NR2F1: variants seen among roughly 807,000 people sequenced by gnomAD.
The protein encoded by NR2F1 is COUP transcription factor 1.
NR2F1 carries 1 observed loss-of-function variant against 37.7 expected under a neutral mutation model. The observed-to-expected ratio is 0.03, with a 90% confidence interval of 0.01 to 0.13. NR2F1 has a LOEUF of 0.13. NR2F1 is among the 10% of genes least tolerant of loss of function. NR2F1 has a pLI of 1.00. For synonymous variants in NR2F1, 275 were observed against 259.6 expected (o/e 1.06, Z -0.57); for missense variants, 268 against 578.4 (o/e 0.46, Z 5.50).
At chr5:93,587,806 G>C (rs927238836) in intron 1 of NR2F1, 111 bp from the exon 2 acceptor site, 1 of 1,146,734 alleles carries the variant, frequency 8.7e-7, no homozygotes. Context: ...TGCGCGGGGC[G>C]CGTGTGGCTG....
chr5:93,584,994 C>A lies in NR2F1; in HGVS notation c.-30C>A. ...CCGCGGCCCTCGGCGAGCAGCTCGG[C>A]TCCCCCCAGCGCTCCCCGGGCCCAA... On this transcript the variant is annotated 5_prime_UTR_variant, in exon 1 of 3. Coordinates refer to ENST00000327111, the MANE Select transcript of NR2F1 (RefSeq NM_005654.6). 1 of 984,516 alleles carries A rather than the reference C, an allele frequency of 1.0e-6. No individual in the cohort carries two copies. The highest frequency in any genetic ancestry group is 1.2e-6 in the Non-Finnish European group (1 of 828,190). The allele number at this position is 984,516 out of a possible 1,614,324, so 61.0% of individuals were successfully genotyped here.
intron 2 of NR2F1, among the ~76,000 whole-genome samples, chr5:93,588,711 G>T (rs1205996609): frequency 6.6e-6 from 1 of 151,390 alleles, no homozygotes; most frequent in Non-Finnish European, 1.5e-5. Flanking sequence ...GGACCCCTAC[G>T]TGGGGCCGCG....
In NR2F1 at chr5:93,594,439, T is replaced by C. The variant is rs1295555360; in HGVS notation, c.*597T>C. On this transcript the variant is annotated 3_prime_UTR_variant, in exon 3 of 3. Coordinates refer to ENST00000327111, the MANE Select transcript of NR2F1 (RefSeq NM_005654.6). ...ATTGTCCTGTGTCTATGTATCTATA[T>C]CTGTTTTGTATTTTTTTCTGGTTCC... 1 of 152,278 alleles carries C rather than the reference T, an allele frequency of 6.6e-6. No individual in the cohort carries two copies. The highest frequency in any genetic ancestry group is 1.5e-5 in the Non-Finnish European group (1 of 68,078). 9.4% of individuals were successfully genotyped at this position (152,278 alleles called of 1,614,324 possible).
chr5:93,588,233 C>T lies in NR2F1; in HGVS notation c.780C>T (p.Phe260=), dbSNP rs1753265670. 2 of 1,613,958 alleles carry T rather than the reference C, an allele frequency of 1.2e-6. No homozygotes were observed. The highest frequency in any genetic ancestry group is 1.7e-6 in the Non-Finnish European group (2 of 1,179,992). ...TACGCCTCACCTGGAGCGAGCTGTT[C>T]GTGCTCAACGCGGCCCAGTGCTCTA... The part of the protein sequence containing the change: ...SLLRLTWSEL[F]VLNAAQCSMP... Residue 260 remains phenylalanine, a synonymous_variant, in exon 2 of 3, where the codon TTC becomes TTT. Coordinates refer to ENST00000327111, the MANE Select transcript of NR2F1 (RefSeq NM_005654.6).
At position 93,585,369 on chromosome 5, in the gene NR2F1, A is replaced by C; in HGVS notation, c.346A>C (p.Arg116=). ...AAGTTTCTTCAAGAGGAGCGTCCGC[A>C]GGAACTTAACTTACACATGCCGTGC... The part of the protein sequence containing the change: ...CKSFFKRSVR[R]NLTYTCRANR... The change falls in exon 1 of 3, where the codon AGG becomes CGG. Residue 116 remains arginine, a synonymous_variant. Coordinates refer to ENST00000327111, the MANE Select transcript of NR2F1 (RefSeq NM_005654.6). The C allele has an allele frequency of 6.2e-7, 1 of 1,614,086 alleles. No homozygotes were observed. The highest frequency in any genetic ancestry group is 8.5e-7 in the Non-Finnish European group (1 of 1,179,978).
chr5:93,584,343 C>G lies in NR2F1; in HGVS notation c.-681C>G, dbSNP rs1753185610. On this transcript the variant is annotated 5_prime_UTR_variant, in exon 1 of 3. Transcript: ENST00000327111. ...CCTCCGCCGCCGCCGCCGCCTCCGCCCTCGCCGGCTTCCTCTATGTCGGCT... is the reference window on the plus strand; with the variant it reads ...CCTCCGCCGCCGCCGCCGCCTCCGCGCTCGCCGGCTTCCTCTATGTCGGCT... 6.7e-6 allele frequency: 1 copy of G among 150,166 alleles called. No individual in the cohort carries two copies. The highest frequency in any genetic ancestry group is 1.5e-5 in the Non-Finnish European group (1 of 67,256). The allele number at this position is 150,166 out of a possible 1,614,324, so 9.3% of individuals were successfully genotyped here. A position where few individuals can be genotyped will look rare whatever the true frequency, so the allele number is the denominator to read the frequency against.
At chr5:93,587,548 A>ATT (rs59902398) in intron 1 of NR2F1, 26,904 of 207,668 alleles carry the variant, frequency 0.13, 2,659 homozygotes, top group African/African-American at 0.31. Context: ...TTTAACCCTG[A>ATT]TTTTTTTTTT....
At chr5:93,591,894 C>T (rs1456196129) in intron 2 of NR2F1, 1 of 152,202 alleles carries the variant, frequency 6.6e-6, no homozygotes, top group East Asian at 1.9e-4. Flanking sequence ...CAGCAAAGCC[C>T]CACAGAGCTC....
chr5:93,584,640 G>A lies in NR2F1; in HGVS notation c.-384G>A, dbSNP rs901486320. 6.8e-6 allele frequency: 1 copy of A among 147,506 alleles called. No individual in the cohort carries two copies. The highest frequency in any genetic ancestry group is 2.5e-5 in the African/African-American group (1 of 40,730). 9.1% of individuals were successfully genotyped at this position (147,506 alleles called of 1,614,324 possible). On this transcript the variant is annotated 5_prime_UTR_variant, in exon 1 of 3. Coordinates refer to ENST00000327111, the MANE Select transcript of NR2F1 (RefSeq NM_005654.6). ...CGCCGGGGGGTGGGGAGGGGGGAAG[G>A]AGAGCGCGGCCCCCCCAGGAACGGA...
rs1455603826 is a variant in NR2F1 at position 93,588,949 on chromosome 5, CGACACAGAGA to C, written c.991+518_991+527del. ...TGGCACTCTCCTTGAATGAATTTCC[CGACACAGAGA>C]GACACAGAGAGAGGTGGAAAGAGAA... On this transcript the variant is annotated intron_variant, in intron 2 of 2. Transcript: ENST00000327111. 7.9e-5 allele frequency among the ~76,000 whole-genome samples: 12 copies of C among 152,112 alleles called. No homozygotes were observed. The South Asian group carries it at 1.7e-3, about 21-fold the overall frequency.
chr5:93,586,909 T>C (rs1753242365), intron 1 of NR2F1, among the ~76,000 whole-genome samples: 2 of 152,122 alleles, frequency 1.3e-5, no homozygotes, highest in African/African-American at 4.8e-5. Context: ...ATAAGATAGC[T>C]ACATGTACAT....
chr5:93,587,815 T>C, intron 1 of NR2F1, 102 bp from the exon 2 acceptor site: 1 of 1,266,882 alleles, frequency 7.9e-7, no homozygotes, highest in South Asian at 1.5e-5. Context: ...CGCGTGTGGC[T>C]GCGGGAAGAG....
intron 2 of NR2F1, among the ~76,000 whole-genome samples, chr5:93,590,706 G>A (rs1402801222): frequency 3.9e-5 from 6 of 152,170 alleles, no homozygotes; most frequent in African/African-American, 7.2e-5. Flanking sequence ...CAACTTTTAA[G>A]CAAACTTTGA....
rs2149946187 is a variant in NR2F1 at position 93,593,881 on chromosome 5, C to T, written c.*39C>T. 1.1e-5 allele frequency: 18 copies of T among 1,588,308 alleles called. No homozygotes were observed. Among genetic ancestry groups the T allele is most frequent in the Non-Finnish European group, 1.5e-5 (17 of 1,164,156 alleles). On this transcript the variant is annotated 3_prime_UTR_variant, in exon 3 of 3. Transcript: ENST00000327111. This position sits in a 1 kb window ranked among gnomAD's most constrained non-coding sequence, Gnocchi z 5.6. ...CCCACCTGCCCCGTCCCCCTAGAGA[C>T]TCAGAGGACCCACCTGGGCCAAGGA...
chr5:93,585,284 G>A lies in NR2F1; in HGVS notation c.261G>A (p.Val87=), dbSNP rs1199150324. Residue 87 remains valine (V), a synonymous_variant, in exon 1 of 3, where the codon GTG becomes GTA. Transcript: ENST00000327111. ...AGAGCCAGCAGCACATCGAGTGCGT[G>A]GTGTGCGGGGACAAGTCGAGCGGCA... ...SGQSQQHIEC[V]VCGDKSSGKH... The A allele has an allele frequency of 6.2e-7, 1 of 1,604,132 alleles. No homozygotes were observed.
In NR2F1 at chr5:93,585,098, C is replaced by G. The variant is rs1232450430; in HGVS notation, c.75C>G (p.Pro25=). ...GGGGCAACCCCGGCGGCCCCAACCC[C>G]GCAGCGCAGGCGGCCCGCGGCGGCG... ...VAGGNPGGPN[P]AAQAARGGGG... is the part of the protein sequence containing the mutation. The change falls in exon 1 of 3, where the codon CCC becomes CCG. Residue 25 remains proline, a synonymous_variant. Coordinates refer to ENST00000327111, the MANE Select transcript of NR2F1 (RefSeq NM_005654.6). 5.0e-6 allele frequency: 5 copies of G among 1,001,376 alleles called. No individual in the cohort carries two copies. The highest frequency in any genetic ancestry group is 4.4e-5 in the South Asian group (1 of 22,574). The allele number at this position is 1,001,376 out of a possible 1,614,324, so 62.0% of individuals were successfully genotyped here.
At chr5:93,585,786 T>C in intron 1 of NR2F1, 1 of 430,600 alleles carries the variant, frequency 2.3e-6, no homozygotes, top group Non-Finnish European at 4.3e-6. Flanking sequence ...CCTTCTTCCC[T>C]CTGTCTTGGA....
At chr5:93,592,109 A>G (rs1753341283) in intron 2 of NR2F1, 1 of 152,218 alleles carries the variant, frequency 6.6e-6, no homozygotes, top group Admixed American at 6.5e-5. Context: ...AGCCTTGTAG[A>G]TGAAGGTGTT....
chr5:93,593,300 T>C lies in NR2F1; in HGVS notation c.992-262T>C, dbSNP rs189604740. 6.6e-6 allele frequency among the ~76,000 whole-genome samples: 1 copy of C among 152,126 alleles called. No homozygotes were observed. Among genetic ancestry groups the C allele is most frequent in the East Asian group, 1.9e-4 (1 of 5,166 alleles). ...CTAGAGAGGTTTCTGCCTCTGCATG[T>C]GTGTGCCTCTCTCTCCAGCTCCCCT... On this transcript the variant is annotated intron_variant, in intron 2 of 2. Transcript: ENST00000327111. This position sits in a 1 kb window ranked among gnomAD's most constrained non-coding sequence, Gnocchi z 5.6.
Sources: allele counts gnomAD v4.1 joint callset (sites outside exome capture counted in the v4.1 genomes callset), GRCh38; gene constraint gnomAD v4.1.1; non-coding constraint Gnocchi (gnomAD v3.1); transcripts MANE v1.5; gene names NCBI Gene and HGNC (gene_info 2026-07-23, HGNC 2026-07-21).